Variants in KCND2 observed in about 807,000 individuals in gnomAD.
KCND2 encodes A-type voltage-gated potassium channel KCND2.
KCND2 carries 16 observed loss-of-function variants against 54.4 expected under a neutral mutation model. That is an observed-to-expected ratio of 0.29 (90% confidence interval 0.20 to 0.45). The LOEUF (loss-of-function observed/expected upper bound fraction) is 0.45. KCND2 is among the 20% of genes least tolerant of loss of function. The pLI, the probability that KCND2 is intolerant of heterozygous loss-of-function variation, is 1.00. For synonymous variants in KCND2, 317 were observed against 310.7 expected, an observed-to-expected ratio of 1.02 and a Z score of -0.21; for missense variants, 486 against 824.2, an observed-to-expected ratio of 0.59 and a Z score of 5.02.
intron 1 of KCND2, among the ~76,000 whole-genome samples, chr7:120,451,631 G>T (rs1178029878): frequency 6.6e-6 from 1 of 152,122 alleles, no homozygotes; most frequent in Non-Finnish European, 1.5e-5. Context: ...AATGAGTGAC[G>T]TAAGGTTTAT....
chr7:120,397,579 T>C (rs1259117541), intron 1 of KCND2, among the ~76,000 whole-genome samples: 1 of 152,026 alleles, frequency 6.6e-6, no homozygotes, highest in East Asian at 1.9e-4. Flanking sequence ...TAAAATGTAT[T>C]GATTAACAGC....
At chr7:120,330,467 G>T (rs1013734281) in intron 1 of KCND2, among the ~76,000 whole-genome samples, 8 of 149,708 alleles carry the variant, frequency 5.3e-5, no homozygotes, top group African/African-American at 2.0e-4. Flanking sequence ...TGTAATCCCA[G>T]CTACTTGGGA....
chr7:120,389,062 AT>A (rs1801034796), intron 1 of KCND2, among the ~76,000 whole-genome samples: 1 of 151,864 alleles, frequency 6.6e-6, no homozygotes, highest in African/African-American at 2.4e-5. Context: ...CACATACATA[AT>A]TCAGTTCCAC....
At chr7:120,403,680 A>C (rs571231755) in intron 1 of KCND2, among the ~76,000 whole-genome samples, 1 of 151,944 alleles carries the variant, frequency 6.6e-6, no homozygotes, top group Non-Finnish European at 1.5e-5. Flanking sequence ...TCACATTCAA[A>C]TTTTTAATTT....
At chr7:120,673,806 C>T (rs1399746686) in intron 1 of KCND2, among the ~76,000 whole-genome samples, 1 of 152,076 alleles carries the variant, frequency 6.6e-6, no homozygotes, top group Non-Finnish European at 1.5e-5. Context: ...CTTTCCAAAT[C>T]TATAGTCCAG....
At chr7:120,487,752 A>G (rs1802715335) in intron 1 of KCND2, among the ~76,000 whole-genome samples, 1 of 152,214 alleles carries the variant, frequency 6.6e-6, no homozygotes, top group Non-Finnish European at 1.5e-5. Flanking sequence ...TGATACTCTT[A>G]AAAGGGCAAG....
intron 1 of KCND2, among the ~76,000 whole-genome samples, chr7:120,384,189 C>T (rs985073753): frequency 1.3e-4 from 20 of 151,660 alleles, no homozygotes; most frequent in African/African-American, 4.6e-4. Flanking sequence ...ATTGCTATAG[C>T]GATATTTTCA....
intron 4 of KCND2, among the ~76,000 whole-genome samples, chr7:120,744,737 A>G (rs147754533): frequency 0.033 from 5,074 of 152,170 alleles, 155 homozygotes; most frequent in African/African-American, 0.075. Context: ...TCTTGCTTCA[A>G]TTGTTTTACT....
chr7:120,631,211 C>T (rs1269537737), intron 1 of KCND2, among the ~76,000 whole-genome samples: 1 of 151,960 alleles, frequency 6.6e-6, no homozygotes, highest in Non-Finnish European at 1.5e-5. Context: ...TCTATTGAGT[C>T]ATTATCAATC....
chr7:120,404,461 CAT>C (rs1801319299), intron 1 of KCND2, among the ~76,000 whole-genome samples: 1 of 151,980 alleles, frequency 6.6e-6, no homozygotes, highest in African/African-American at 2.4e-5. Context: ...ATTATCTAAA[CAT>C]GTTTAAAAGA....
Position 120,359,500 on chromosome 7 carries a change from G to A in KCND2, c.1115+83753G>A, listed in dbSNP as rs539222368. Among the ~76,000 whole-genome samples, 3 of 152,068 alleles carry A rather than the reference G, an allele frequency of 2.0e-5. No individual in the cohort carries two copies. In the South Asian group the frequency reaches 6.2e-4, roughly 32 times the overall value. ...GCAATGTTTAATACATGTACAATTTGAAAAAATCTCATGTTACATCTATTT... is the reference window on the plus strand; with the variant it reads ...GCAATGTTTAATACATGTACAATTTAAAAAAATCTCATGTTACATCTATTT... On this transcript the variant is annotated intron_variant, in intron 1 of 5. Transcript: ENST00000331113.
chr7:120,512,712 T>G (rs559346949), intron 1 of KCND2, among the ~76,000 whole-genome samples: 17 of 152,200 alleles, frequency 1.1e-4, no homozygotes, highest in African/African-American at 4.1e-4. Context: ...GAGGGATTTT[T>G]TCTCCTTTTT....
chr7:120,554,420 T>C (rs1792137446), intron 1 of KCND2, among the ~76,000 whole-genome samples: 1 of 152,096 alleles, frequency 6.6e-6, no homozygotes. Flanking sequence ...TAATTTATTT[T>C]TTTTTTGAGA....
chr7:120,453,839 C>A (rs764780769), intron 1 of KCND2, among the ~76,000 whole-genome samples: 1 of 152,188 alleles, frequency 6.6e-6, no homozygotes, highest in South Asian at 2.1e-4. Context: ...GTAATCCCAG[C>A]ACTTTGGGAG....
intron 1 of KCND2, among the ~76,000 whole-genome samples, chr7:120,380,765 G>T (rs1800906620): frequency 6.6e-6 from 1 of 151,968 alleles, no homozygotes; most frequent in Non-Finnish European, 1.5e-5. Flanking sequence ...ATAGGTGTAA[G>T]TTGTTTCCCA....
chr7:120,712,053 G>C (rs1792544911), intron 1 of KCND2, among the ~76,000 whole-genome samples: 1 of 151,318 alleles, frequency 6.6e-6, no homozygotes, highest in Non-Finnish European at 1.5e-5. Flanking sequence ...AAGAGGAGCT[G>C]ACTTGATCGG....
rs1584863633 is a variant in KCND2 at position 120,635,764 on chromosome 7, A to G, written c.1116-97139A>G. 5.3e-5 allele frequency among the ~76,000 whole-genome samples: 8 copies of G among 152,330 alleles called. No homozygotes were observed. The South Asian group carries it at 1.7e-3, about 32-fold the overall frequency. ...ATTTTTAAACCATCCAAATTTAAGA[A>G]CTACATGATGTAGATAATTGCCAGG... On this transcript the variant is annotated intron_variant, in intron 1 of 5. Transcript: ENST00000331113.
At chr7:120,321,613 T>G (rs888600460) in intron 1 of KCND2, among the ~76,000 whole-genome samples, 4 of 152,150 alleles carry the variant, frequency 2.6e-5, no homozygotes, top group Non-Finnish European at 5.9e-5. Flanking sequence ...ATATCTCATA[T>G]TAGAGATTAC....
intron 1 of KCND2, among the ~76,000 whole-genome samples, chr7:120,664,181 G>C (rs1038342107): frequency 2.6e-5 from 4 of 152,028 alleles, no homozygotes; most frequent in African/African-American, 9.7e-5. Context: ...TTGTTGGTTG[G>C]TTGGTTTTTC....
Sources: gnomAD v4.1 joint callset for allele counts (sites outside exome capture counted in the v4.1 genomes callset) on GRCh38, gnomAD v4.1.1 for gene constraint, MANE v1.5 for transcripts, NCBI Gene and HGNC (gene_info 2026-07-23, HGNC 2026-07-21) for gene names.